ACTR3C: variants seen among roughly 807,000 people sequenced by gnomAD.
ACTR3C encodes the protein actin related protein 3C, also known as actin-related protein 3C.
In ACTR3C, 18 loss-of-function variants were observed where a neutral mutation model predicts 26.3. The observed-to-expected ratio is 0.68, with a 90% CI of 0.47 to 1.01. ACTR3C has a LOEUF of 1.01. ACTR3C is among the 50% of genes least tolerant of loss of function. The probability of loss-of-function intolerance (pLI) is 0.00; values close to 1 mark genes in which losing one functional copy is unlikely to be tolerated. For synonymous variants in ACTR3C, 55 were observed against 94.5 expected (o/e 0.58, Z 2.42); for missense variants, 184 against 250.7 (o/e 0.73, Z 1.80).
the ACTR3C span, among the ~76,000 whole-genome samples, chr7:150,140,289 C>T: frequency 2.0e-5 from 3 of 152,170 alleles, no homozygotes; most frequent in Non-Finnish European, 4.4e-5. Flanking sequence ...TTTCCTGGCT[C>T]ACTTGGGGTA....
chr7:150,079,515 G>A, the ACTR3C span, among the ~76,000 whole-genome samples: 3 of 152,254 alleles, frequency 2.0e-5, no homozygotes, highest in African/African-American at 2.4e-5. Flanking sequence ...CGCTGATGAC[G>A]GGATGGGTCC....
chr7:150,240,275 T>C (rs11972022), downstream of ACTR3C, among the ~76,000 whole-genome samples: 4,377 of 152,320 alleles, frequency 0.029, 232 homozygotes, highest in African/African-American at 0.099. Context: ...TAAACATCAC[T>C]GCTATCTTGT....
At chr7:150,072,600 G>A in the ACTR3C span, among the ~76,000 whole-genome samples, 7 of 147,916 alleles carry the variant, frequency 4.7e-5, no homozygotes, top group South Asian at 2.2e-4. Flanking sequence ...AGCACCGGCC[G>A]GTGATGACAA....
At chr7:149,981,862 C>T in the ACTR3C span, among the ~76,000 whole-genome samples, 7 of 152,174 alleles carry the variant, frequency 4.6e-5, no homozygotes, top group Admixed American at 3.9e-4. Flanking sequence ...TAACTCTTGC[C>T]GTCAGCATGC....
chr7:150,023,158 TATCTATATAG>T, the ACTR3C span, among the ~76,000 whole-genome samples: 2 of 87,020 alleles, frequency 2.3e-5, no homozygotes, highest in African/African-American at 7.6e-5. Context: ...TCTATATAGA[TATCTATATAG>T]ATATATAGAT....
the ACTR3C span, among the ~76,000 whole-genome samples, chr7:150,182,003 A>C: frequency 5.0e-3 from 759 of 150,560 alleles, 21 homozygotes; most frequent in South Asian, 0.051. Context: ...GAATGGACAC[A>C]AAAAGGGAGC....
the ACTR3C span, among the ~76,000 whole-genome samples, chr7:150,166,756 C>T: frequency 1.3e-5 from 2 of 149,570 alleles, 1 homozygote; most frequent in South Asian, 4.2e-4. Flanking sequence ...GAATGTAGTC[C>T]CTCATCTCAT....
the ACTR3C span, among the ~76,000 whole-genome samples, chr7:150,129,338 A>G: frequency 2.6e-5 from 4 of 152,172 alleles, no homozygotes; most frequent in Non-Finnish European, 5.9e-5. Flanking sequence ...CCAGGCAGAG[A>G]TTTAATCCCT....
chr7:150,259,291 A>AAGAAAAAG (rs879890269), intron 6 of ACTR3C, among the ~76,000 whole-genome samples: 1,925 of 149,480 alleles, frequency 0.013, 44 homozygotes, highest in African/African-American at 0.046. Context: ...GAAAGAAAGA[A>AAGAAAAAG]AAAGAAAGAA....
the ACTR3C span, among the ~76,000 whole-genome samples, chr7:149,959,887 G>A: frequency 1.3e-5 from 2 of 152,172 alleles, no homozygotes. Flanking sequence ...GGTAAGACAG[G>A]GTGGTTCTCC....
the ACTR3C span, among the ~76,000 whole-genome samples, chr7:149,912,081 T>C: frequency 6.6e-6 from 1 of 151,820 alleles, no homozygotes; most frequent in South Asian, 2.1e-4. Flanking sequence ...TCCCAAGTGA[T>C]AGCATTCATT....
At chr7:150,182,243 G>T in the ACTR3C span, among the ~76,000 whole-genome samples, 4 of 150,680 alleles carry the variant, frequency 2.7e-5, no homozygotes, top group Non-Finnish European at 5.9e-5. Flanking sequence ...CTGTGGATTT[G>T]TTAGCTGGAT....
the ACTR3C span, among the ~76,000 whole-genome samples, chr7:150,207,429 T>C: frequency 3.3e-5 from 5 of 152,212 alleles, no homozygotes; most frequent in African/African-American, 7.2e-5. Context: ...AGTATAGAAA[T>C]AGTATTCAGC....
At chr7:150,010,030 A>T in the ACTR3C span, among the ~76,000 whole-genome samples, 1 of 152,178 alleles carries the variant, frequency 6.6e-6, no homozygotes. Context: ...TCTGTGCCAT[A>T]CTCTGCAAAG....
the ACTR3C span, among the ~76,000 whole-genome samples, chr7:150,109,782 G>A: frequency 6.7e-6 from 1 of 149,612 alleles, no homozygotes; most frequent in Non-Finnish European, 1.5e-5. Flanking sequence ...CATAAGATTT[G>A]AACAGACTTC....
the ACTR3C span, among the ~76,000 whole-genome samples, chr7:150,192,533 C>A: frequency 1.3e-5 from 2 of 152,140 alleles, no homozygotes; most frequent in Non-Finnish European, 2.9e-5. Context: ...AACTCCTGGC[C>A]TCAAGTGATC....
chr7:150,094,785 G>A, the ACTR3C span, among the ~76,000 whole-genome samples: 1 of 150,782 alleles, frequency 6.6e-6, no homozygotes, highest in Non-Finnish European at 1.5e-5. Flanking sequence ...GGGGAATGGC[G>A]GCAGTGAGGC....
At chr7:149,995,868 G>A in the ACTR3C span, among the ~76,000 whole-genome samples, 2 of 152,386 alleles carry the variant, frequency 1.3e-5, no homozygotes, top group Middle Eastern at 6.8e-3. Flanking sequence ...GGGTCTTGAC[G>A]AGGAAGGGAA....
At chr7:150,281,138 C>T (rs944383982) in intron 6 of ACTR3C, among the ~76,000 whole-genome samples, 16 of 152,028 alleles carry the variant, frequency 1.1e-4, no homozygotes, top group African/African-American at 1.5e-4. Flanking sequence ...GGAGAGAGGG[C>T]GTCTTACCCG....
Sources: gnomAD v4.1 joint callset for allele counts (sites outside exome capture counted in the v4.1 genomes callset) on GRCh38, gnomAD v4.1.1 for gene constraint, MANE v1.5 for transcripts, NCBI Gene and HGNC (gene_info 2026-07-23, HGNC 2026-07-21) for gene names.